Variants in CSTPP1 observed in about 807,000 individuals in gnomAD.
CSTPP1 encodes the protein UPF0705 protein C11orf49.
the CSTPP1 span, among the ~76,000 whole-genome samples, chr11:46,959,426 A>C: frequency 5.3e-5 from 8 of 152,146 alleles, no homozygotes; most frequent in Non-Finnish European, 7.4e-5. Context: ...CAAGTTCAAC[A>C]TCCTTCTGAT....
chr11:47,161,842 CCTAT>C, the CSTPP1 span: 1 of 1,371,666 alleles, frequency 7.3e-7, no homozygotes, highest in African/African-American at 1.5e-5. Context: ...TCTCCCTGGC[CCTAT>C]CAGCCTGTGA....
chr11:47,017,973 C>T, the CSTPP1 span, among the ~76,000 whole-genome samples: 2 of 152,116 alleles, frequency 1.3e-5, no homozygotes, highest in Non-Finnish European at 2.9e-5. Context: ...CAGCTTTATA[C>T]AGTATATAAC....
the CSTPP1 span, chr11:46,987,452 G>A: frequency 4.4e-6 from 3 of 684,150 alleles, no homozygotes; most frequent in East Asian, 2.6e-5. Context: ...GTTGTGGGCC[G>A]CCCAAACATG....
chr11:46,936,731 T>TGGCAACGGAGAGAGAC, the CSTPP1 span: 1 of 1,588,588 alleles, frequency 6.3e-7, no homozygotes, highest in Non-Finnish European at 8.6e-7. Context: ...GTGGGTGCCA[T>TGGCAACGGAGAGAGAC]GGCAACGGAG....
the CSTPP1 span, among the ~76,000 whole-genome samples, chr11:47,099,996 C>G: frequency 0.15 from 22,681 of 152,118 alleles, 2,839 homozygotes; most frequent in East Asian, 0.65. Context: ...AGTTCCCTTG[C>G]TCTGATGTTC....
chr11:47,161,225 G>T, the CSTPP1 span: 1 of 1,614,114 alleles, frequency 6.2e-7, no homozygotes, highest in Non-Finnish European at 8.5e-7. Flanking sequence ...GCCCCCTTGT[G>T]GGGGCCAGAC....
the CSTPP1 span, among the ~76,000 whole-genome samples, chr11:47,122,860 T>G: frequency 6.6e-6 from 1 of 152,196 alleles, no homozygotes; most frequent in Non-Finnish European, 1.5e-5. Flanking sequence ...ATTACAGGCA[T>G]GAGCCACTGC....
chr11:46,964,691 T>C, the CSTPP1 span, among the ~76,000 whole-genome samples: 7 of 152,210 alleles, frequency 4.6e-5, no homozygotes, highest in Non-Finnish European at 8.8e-5. Flanking sequence ...CTTTTAAAAA[T>C]AATTGAGGAT....
chr11:47,151,495 G>A, the CSTPP1 span, among the ~76,000 whole-genome samples: 1 of 152,024 alleles, frequency 6.6e-6, no homozygotes, highest in African/African-American at 2.4e-5. Context: ...GGGTAGGATG[G>A]TGGCTGTGGA....
At chr11:47,135,976 ACTCTCTCT>A in the CSTPP1 span, among the ~76,000 whole-genome samples, 2 of 144,464 alleles carry the variant, frequency 1.4e-5, no homozygotes, top group Non-Finnish European at 3.1e-5. Flanking sequence ...TAATTAAGTA[ACTCTCTCT>A]CTCTCTCTCT....
chr11:47,040,417 G>A, the CSTPP1 span, among the ~76,000 whole-genome samples: 5 of 126,996 alleles, frequency 3.9e-5, no homozygotes, highest in African/African-American at 1.2e-4. Flanking sequence ...CCCACCAGGA[G>A]AATAGACTCC....
At chr11:47,017,640 T>C in the CSTPP1 span, among the ~76,000 whole-genome samples, 32 of 151,520 alleles carry the variant, frequency 2.1e-4, no homozygotes, top group African/African-American at 7.8e-4. Flanking sequence ...AACAATGTCA[T>C]ATCCATGGAC....
At chr11:47,158,012 AG>A in the CSTPP1 span, 8 of 1,171,442 alleles carry the variant, frequency 6.8e-6, no homozygotes, top group Non-Finnish European at 1.0e-5. Context: ...CCAGAGGGGA[AG>A]GGGCATCACC....
At chr11:46,939,075 C>T in the CSTPP1 span, among the ~76,000 whole-genome samples, 1 of 141,506 alleles carries the variant, frequency 7.1e-6, no homozygotes, top group Admixed American at 7.1e-5. Context: ...CTGCACCTGG[C>T]TTACATCTTT....
the CSTPP1 span, among the ~76,000 whole-genome samples, chr11:47,090,173 C>T: frequency 2.0e-5 from 3 of 152,038 alleles, no homozygotes; most frequent in Admixed American, 6.6e-5. Flanking sequence ...TTAGTAGAGA[C>T]GGGGTTTCTC....
At chr11:47,052,633 C>A in the CSTPP1 span, 1 of 1,371,888 alleles carries the variant, frequency 7.3e-7, no homozygotes, top group Non-Finnish European at 9.7e-7. Flanking sequence ...CTCTTTCAAA[C>A]TTTTTCTTTT....
At chr11:46,997,158 T>G in the CSTPP1 span, among the ~76,000 whole-genome samples, 1 of 152,218 alleles carries the variant, frequency 6.6e-6, no homozygotes, top group African/African-American at 2.4e-5. Context: ...GTTTTCCAAC[T>G]TGGTTCTGTT....
At chr11:47,002,548 C>T in the CSTPP1 span, among the ~76,000 whole-genome samples, 2 of 152,148 alleles carry the variant, frequency 1.3e-5, no homozygotes, top group African/African-American at 2.4e-5. Flanking sequence ...TCCCTTGACT[C>T]GTTTAGAAGT....
At chr11:47,129,184 C>T in the CSTPP1 span, among the ~76,000 whole-genome samples, 4 of 152,174 alleles carry the variant, frequency 2.6e-5, no homozygotes, top group Non-Finnish European at 5.9e-5. Flanking sequence ...TCAAAGGGCC[C>T]ACCCTGTCCT....
Sources: allele counts gnomAD v4.1 joint callset (sites outside exome capture counted in the v4.1 genomes callset), GRCh38; gene constraint gnomAD v4.1.1; transcripts MANE v1.5; gene names NCBI Gene and HGNC (gene_info 2026-07-23, HGNC 2026-07-21).